The following SNX21 variants were observed in gnomAD, a reference collection of about 807,000 sequenced individuals.
The protein encoded by SNX21 is sorting nexin-21.
Under a neutral mutation model 30.9 loss-of-function variants are expected in SNX21, and 36 were observed. The observed-to-expected ratio is 1.16, with a 90% CI of 0.89 to 1.54. The LOEUF (loss-of-function observed/expected upper bound fraction) is 1.54. Ranked by LOEUF, SNX21 falls within the 40% of genes most tolerant of loss-of-function variation. SNX21 has a pLI of 0.00. For synonymous variants in SNX21, 218 were observed against 222.7 expected (o/e 0.98, Z 0.19); for missense variants, 508 against 516.5 (o/e 0.98, Z 0.16).
chr20:45,834,603 C>T, intron 2 of SNX21, 135 bp downstream of exon 2: 6 of 1,210,532 alleles, frequency 5.0e-6, no homozygotes, highest in Non-Finnish European at 6.7e-6. Flanking sequence ...TGGGCCACCT[C>T]TTGGCTGTGT....
chr20:45,841,669 G>A lies in SNX21; in HGVS notation c.*356G>A. ...TCTGCCCCTGGAGTCCTGGAGTTAA[G>A]GGATGAAGGCAAGGCTGCAGGTCTG... On this transcript the variant is annotated 3_prime_UTR_variant, in exon 4 of 4. Coordinates refer to ENST00000491381, the MANE Select transcript of SNX21 (RefSeq NM_033421.4). 7.0e-7 allele frequency: 1 copy of A among 1,420,730 alleles called. No individual in the cohort carries two copies. The highest frequency in any genetic ancestry group is 9.1e-7 in the Non-Finnish European group (1 of 1,094,048). The allele number at this position is 1,420,730 out of a possible 1,614,324, so 88.0% of individuals were successfully genotyped here.
chr20:45,839,856 C>T (rs547408692), intron 3 of SNX21, among the ~76,000 whole-genome samples: 1 of 152,154 alleles, frequency 6.6e-6, no homozygotes, highest in East Asian at 1.9e-4. Context: ...CTGCAGTAAG[C>T]TATGATTGTA....
In SNX21 at chr20:45,842,566, A is replaced by G; in HGVS notation, c.*1253A>G. The G allele has an allele frequency of 1.0e-6, 1 of 996,094 alleles. No homozygotes were observed. Among genetic ancestry groups the G allele is most frequent in the Non-Finnish European group, 1.2e-6 (1 of 836,470 alleles). 61.7% of individuals were successfully genotyped at this position (996,094 alleles called of 1,614,324 possible). ...ATGAGGTCTGGCCTCTTCCCTCCCCATCTGGAGACTCTTTCTCCCTTGCTG... is the reference window on the plus strand; with the variant it reads ...ATGAGGTCTGGCCTCTTCCCTCCCCGTCTGGAGACTCTTTCTCCCTTGCTG... On this transcript the variant is annotated 3_prime_UTR_variant, in exon 4 of 4. Transcript: ENST00000491381.
At position 45,835,018 on chromosome 20, in the gene SNX21, G is replaced by A. The variant is rs73911119; in HGVS notation, c.349G>A (p.Asp117Asn). The change falls in exon 3 of 4, where the codon GAT (aspartate) becomes AAT (asparagine). Residue 117 changes from aspartate (D) to asparagine (N), a missense_variant. By Grantham distance (23) the Asp-to-Asn change is conservative (BLOSUM62 1). Transcript: ENST00000491381. ...GSQLLARQLQ[D>N]FWKKSRNTLA... ...TCAGCTCCTGGCGCGGCAGCTGCAG[G>A]ATTTCTGGAAGAAGTCCCGGAACAC... 1.2e-4 allele frequency: 194 copies of A among 1,614,200 alleles called. No homozygotes were observed. In the African/African-American group the frequency reaches 2.3e-3, roughly 19 times the overall value.
In SNX21 at chr20:45,843,119, CAG is replaced by C. The variant is rs1601087038; in HGVS notation, c.*1808_*1809del. 5 of 1,040,034 alleles carry C rather than the reference CAG, an allele frequency of 4.8e-6. No homozygotes were observed. The highest frequency in any genetic ancestry group is 4.3e-4 in the Middle Eastern group (1 of 2,344). The allele number at this position is 1,040,034 out of a possible 1,614,324, so 64.4% of individuals were successfully genotyped here. A position where few individuals can be genotyped will look rare whatever the true frequency, so the allele number is the denominator to read the frequency against. ...TGAGTGAGAATCTTGAGGGTGGAAT[CAG>C]AATCTATTTTGAAAAGGCATCCCCA... On this transcript the variant is annotated 3_prime_UTR_variant, in exon 4 of 4. Transcript: ENST00000491381.
At chr20:45,840,497 C>T (rs1282812841) in intron 3 of SNX21, 142 bp from the exon 4 acceptor site, 4 of 1,613,776 alleles carry the variant, frequency 2.5e-6, no homozygotes, top group East Asian at 4.5e-5. Context: ...TGCGCAGCAG[C>T]TCCCGCCCTC....
Position 45,841,090 on chromosome 20 carries a change from G to T in SNX21, c.899G>T (p.Gly300Val). 1 of 1,609,720 alleles carries T rather than the reference G, an allele frequency of 6.2e-7. No homozygotes were observed. The change falls in exon 4 of 4, where the codon GGA (glycine) becomes GTA (valine). Residue 300 changes from glycine to valine, a missense_variant. Transcript: ENST00000491381. ...AVCHQELEDPGEARACCEKAL... is the reference protein window; with the variant it reads ...AVCHQELEDPVEARACCEKAL... The stretch of plus-strand genomic sequence containing the variant: ...TGCCACCAGGAGCTGGAAGACCCTG[G>T]AGAGGCCCGGGCATGCTGTGAGAAG...
intron 3 of SNX21, among the ~76,000 whole-genome samples, chr20:45,836,517 AT>A (rs199924822): frequency 3.2e-5 from 4 of 125,228 alleles, no homozygotes; most frequent in Non-Finnish European, 5.3e-5. Context: ...AAAAAAAAAA[AT>A]TTTGAGACAG....
In SNX21 at chr20:45,833,894, A is replaced by G. The variant is rs1050625944; in HGVS notation, c.-26A>G. On this transcript the variant is annotated 5_prime_UTR_variant, in exon 1 of 4. Transcript: ENST00000491381. ...ATGGGCTGCGGGGGGCTGCACCCGG[A>G]CCCCTGGGGCGCGGCGCGCCCCTGA... 2.2e-6 allele frequency: 3 copies of G among 1,364,414 alleles called. No homozygotes were observed. In the African/African-American group the frequency reaches 4.6e-5, roughly 21 times the overall value. 84.5% of individuals were successfully genotyped at this position (1,364,414 alleles called of 1,614,324 possible). A position where few individuals can be genotyped will look rare whatever the true frequency, so the allele number is the denominator to read the frequency against.
intron 3 of SNX21, among the ~76,000 whole-genome samples, chr20:45,836,490 CAA>C (rs74176824): frequency 5.8e-4 from 30 of 51,332 alleles, no homozygotes; most frequent in South Asian, 4.7e-3. Flanking sequence ...GACTCCGTCT[CAA>C]AAAAAAAAAA....
Position 45,842,646 on chromosome 20 carries a change from T to A in SNX21, c.*1333T>A. 2.0e-6 allele frequency: 2 copies of A among 991,702 alleles called. No individual in the cohort carries two copies. The highest frequency in any genetic ancestry group is 2.4e-6 in the Non-Finnish European group (2 of 833,720). The allele number at this position is 991,702 out of a possible 1,614,324, so 61.4% of individuals were successfully genotyped here. Reference sequence around the variant, plus strand: ...GATGATTGCTGGTTTCCCTTACACATAGCAGAGCTCACTCAGTTCTCACAG... The same window carrying A: ...GATGATTGCTGGTTTCCCTTACACAAAGCAGAGCTCACTCAGTTCTCACAG... On this transcript the variant is annotated 3_prime_UTR_variant, in exon 4 of 4. Coordinates refer to ENST00000491381, the MANE Select transcript of SNX21 (RefSeq NM_033421.4).
Position 45,834,527 on chromosome 20 carries a change from C to T in SNX21, c.289+59C>T. On this transcript the variant is annotated intron_variant, in intron 2 of 3. Transcript: ENST00000491381. ...GGCTCGATTAGGCCTCCATCCCAGCCGCGTTCCCAGAGCATCCAGGGCGCT... is the reference window on the plus strand; with the variant it reads ...GGCTCGATTAGGCCTCCATCCCAGCTGCGTTCCCAGAGCATCCAGGGCGCT... 4 of 1,506,480 alleles carry T rather than the reference C, an allele frequency of 2.7e-6. No homozygotes were observed. The African/African-American group carries it at 4.2e-5, about 16-fold the overall frequency. The allele number at this position is 1,506,480 out of a possible 1,614,324, so 93.3% of individuals were successfully genotyped here. A position where few individuals can be genotyped will look rare whatever the true frequency, so the allele number is the denominator to read the frequency against.
chr20:45,835,170 C>A, intron 3 of SNX21, 54 bp downstream of exon 3: 1 of 1,540,166 alleles, frequency 6.5e-7, no homozygotes, highest in Non-Finnish European at 8.8e-7. Flanking sequence ...TGGCTAGGAG[C>A]AAGTAGGGAA....
At position 45,841,883 on chromosome 20, in the gene SNX21, C is replaced by T; in HGVS notation, c.*570C>T. On this transcript the variant is annotated 3_prime_UTR_variant, in exon 4 of 4. Coordinates refer to ENST00000491381, the MANE Select transcript of SNX21 (RefSeq NM_033421.4). ...CCTGGGGCTTCACTCGGATCACGCC[C>T]TCCTGGGCACAGGTCACAGCTAGGA... 6.2e-7 allele frequency: 1 copy of T among 1,611,178 alleles called. No individual in the cohort carries two copies. The highest frequency in any genetic ancestry group is 8.5e-7 in the Non-Finnish European group (1 of 1,179,312).
At position 45,835,046 on chromosome 20, in the gene SNX21, T is replaced by C; in HGVS notation, c.377T>C (p.Leu126Ser). The C allele has an allele frequency of 1.2e-6, 2 of 1,614,198 alleles. No homozygotes were observed. Among genetic ancestry groups the C allele is most frequent in the Middle Eastern group, 1.6e-4 (1 of 6,062 alleles). ...QDFWKKSRNT[L>S]APQRLLFEVT... is the part of the protein sequence containing the mutation. ...TTCTGGAAGAAGTCCCGGAACACCT[T>C]GGCACCCCAGCGGCTGCTCTTCGAA... Residue 126 changes from leucine to serine, a missense_variant, in exon 3 of 4, where the codon TTG (leucine) becomes TCG (serine). Coordinates refer to ENST00000491381, the MANE Select transcript of SNX21 (RefSeq NM_033421.4).
intron 1 of SNX21, 68 bp downstream of exon 1, chr20:45,834,008 T>A: frequency 7.0e-7 from 1 of 1,430,580 alleles, no homozygotes; most frequent in Admixed American, 3.2e-5. Context: ...AGGAACGCGG[T>A]CCTAGGCTGA....
intron 2 of SNX21, 86 bp from the exon 3 acceptor site, chr20:45,834,873 C>T: frequency 6.6e-7 from 1 of 1,508,354 alleles, no homozygotes; most frequent in South Asian, 1.3e-5. Flanking sequence ...TCCTGCCTCA[C>T]ACTGGGAGGA....
At position 45,842,811 on chromosome 20, in the gene SNX21, T is replaced by C; in HGVS notation, c.*1498T>C. Reference sequence around the variant, plus strand: ...CAAGGTTATCAATCTTGGATTGTGATGCTATTGGTACTTGAGAATACCCCT... The same window carrying C: ...CAAGGTTATCAATCTTGGATTGTGACGCTATTGGTACTTGAGAATACCCCT... On this transcript the variant is annotated 3_prime_UTR_variant, in exon 4 of 4. Transcript: ENST00000491381. 1.0e-6 allele frequency: 1 copy of C among 990,936 alleles called. No individual in the cohort carries two copies. Among genetic ancestry groups the C allele is most frequent in the Non-Finnish European group, 1.2e-6 (1 of 833,080 alleles). 61.4% of individuals were successfully genotyped at this position (990,936 alleles called of 1,614,324 possible). A position where few individuals can be genotyped will look rare whatever the true frequency, so the allele number is the denominator to read the frequency against.
chr20:45,840,485 A>G (rs774857078), intron 3 of SNX21, 154 bp from the exon 4 acceptor site: 1 of 1,614,060 alleles, frequency 6.2e-7, no homozygotes, highest in Non-Finnish European at 8.5e-7. Flanking sequence ...CTTCCCCGCC[A>G]CTGCGCAGCA....
Sources: allele counts gnomAD v4.1 joint callset (sites outside exome capture counted in the v4.1 genomes callset), GRCh38; gene constraint gnomAD v4.1.1; transcripts MANE v1.5; gene names NCBI Gene and HGNC (gene_info 2026-07-23, HGNC 2026-07-21).